The following FAM186A variants were observed in gnomAD, a reference collection of about 807,000 sequenced individuals.
FAM186A encodes protein FAM186A.
Under a neutral mutation model 216.8 loss-of-function variants are expected in FAM186A, and 163 were observed. That is an observed-to-expected ratio of 0.75 (90% CI 0.66 to 0.86). The LOEUF (loss-of-function observed/expected upper bound fraction) is 0.86. FAM186A is among the 40% of genes least tolerant of loss of function. The pLI, the probability that FAM186A is intolerant of heterozygous loss-of-function variation, is 0.00. For synonymous variants in FAM186A, 805 were observed against 1,025.3 expected, an observed-to-expected ratio of 0.79 and a Z score of 4.10; for missense variants, 2,184 against 2,746.2, an observed-to-expected ratio of 0.80 and a Z score of 4.58.
chr12:50,339,741 T>TACACACACACACAC lies in FAM186A; in HGVS notation c.6504-5652_6504-5639dup, dbSNP rs10611207. Among the ~76,000 whole-genome samples the TACACACACACACAC allele has an allele frequency of 1.1e-3, 168 of 148,516 alleles. 1 individual carries two copies. The highest frequency in any genetic ancestry group is 3.7e-3 in the African/African-American group (147 of 40,124). On this transcript the variant is annotated intron_variant, in intron 4 of 7. Coordinates refer to ENST00000327337, the MANE Select transcript of FAM186A (RefSeq NM_001145475.3). ...TCTAAGTATTAGCCACAAAGTACTT[T>TACACACACACACAC]ACACACACACACACACACACACACA...
At chr12:50,328,363 G>A (rs550937949) in intron 7 of FAM186A, among the ~76,000 whole-genome samples, 8 of 152,110 alleles carry the variant, frequency 5.3e-5, no homozygotes, top group African/African-American at 1.9e-4. Flanking sequence ...GACAGAGCAC[G>A]ACCACGTCTC....
chr12:50,394,732 C>CTTTTTTT lies in FAM186A; in HGVS notation c.192+1554_192+1560dup, dbSNP rs71083561. 3.1e-4 allele frequency among the ~76,000 whole-genome samples: 9 copies of CTTTTTTT among 29,408 alleles called. 1 individual carries two copies. The highest frequency in any genetic ancestry group is 1.3e-3 in the East Asian group (1 of 766). 19.3% of individuals were successfully genotyped at this position (29,408 alleles called of 152,430 possible). On this transcript the variant is annotated intron_variant, in intron 1 of 7. Transcript: ENST00000327337. ...TGAGCCACTGTGCCTGGCTAACACT[C>CTTTTTTT]TTTTTTTTTTTTTTTTTTTTTTTTT... is the stretch of plus-strand genomic sequence containing the variant.
At chr12:50,334,465 T>A (rs752815626) in intron 4 of FAM186A, among the ~76,000 whole-genome samples, 3 of 151,654 alleles carry the variant, frequency 2.0e-5, no homozygotes, top group Non-Finnish European at 4.4e-5. Flanking sequence ...CCACTGAGCA[T>A]GGCCTCTTTT....
intron 1 of FAM186A, among the ~76,000 whole-genome samples, chr12:50,366,271 A>G (rs1443638516): frequency 2.0e-5 from 3 of 152,218 alleles, no homozygotes; most frequent in Admixed American, 1.3e-4. Context: ...TGCTAAACCA[A>G]ATGATGAAGA....
chr12:50,368,471 A>G (rs924372152), intron 1 of FAM186A, among the ~76,000 whole-genome samples: 8 of 152,002 alleles, frequency 5.3e-5, no homozygotes, highest in Admixed American at 4.6e-4. Context: ...GAGGTAAAAG[A>G]CTTGTTGTTT....
rs1379276605 is a variant in FAM186A at position 50,365,047 on chromosome 12, A to AAAAT, written c.193-1684_193-1683insATTT. 1.2e-4 allele frequency among the ~76,000 whole-genome samples: 18 copies of AAAAT among 151,696 alleles called. No individual in the cohort carries two copies. In the East Asian group the frequency reaches 1.5e-3, roughly 13 times the overall value. On this transcript the variant is annotated intron_variant, in intron 1 of 7. Coordinates refer to ENST00000327337, the MANE Select transcript of FAM186A (RefSeq NM_001145475.3). ...GAGTGAAACTCCGTCTCAAAAAAAA[A>AAAAT]AAAAAAAAAATTAACACCATGTGTT...
At chr12:50,342,439 TCC>T (rs1270807933) in intron 4 of FAM186A, among the ~76,000 whole-genome samples, 1 of 151,590 alleles carries the variant, frequency 6.6e-6, no homozygotes. Flanking sequence ...GGGAAAAATC[TCC>T]TTTTTTATTT....
Position 50,356,163 on chromosome 12 carries a change from C to G in FAM186A, c.669G>C (p.Met223Ile), listed in dbSNP as rs947729681. ...TATTTGTTGCAAGTTGATCACTAATCATCTGATCTGGTCTTAAAGCACGGG... is the reference window on the plus strand; with the variant it reads ...TATTTGTTGCAAGTTGATCACTAATGATCTGATCTGGTCTTAAAGCACGGG... ...STARALRPDQ[M>I]ISDQLATNTK... The change falls in exon 4 of 8, where the codon ATG (methionine) becomes ATC (isoleucine). Residue 223 changes from methionine (M) to isoleucine (I), a missense_variant. Transcript: ENST00000327337. 3 of 1,551,466 alleles carry G rather than the reference C, an allele frequency of 1.9e-6. No homozygotes were observed. The African/African-American group carries it at 4.1e-5, about 21-fold the overall frequency.
chr12:50,327,541 T>A (rs1176005880), intron 7 of FAM186A, 137 bp from the exon 8 acceptor site: 1 of 128,490 alleles, frequency 7.8e-6, no homozygotes, highest in Non-Finnish European at 1.6e-5. Flanking sequence ...TATGTAATCC[T>A]TTTTTTTTTT....
intron 1 of FAM186A, among the ~76,000 whole-genome samples, chr12:50,395,434 T>G (rs1240842712): frequency 1.3e-5 from 2 of 152,110 alleles, no homozygotes; most frequent in South Asian, 2.1e-4. Flanking sequence ...ATAACCTTAA[T>G]TGTTTGGGGG....
rs754459272 is a variant in FAM186A, at chr12:50,360,938, T to TA, written c.413-13dup. 1,781 of 1,422,100 alleles carry TA rather than the reference T, an allele frequency of 1.3e-3. No individual in the cohort carries two copies. The highest frequency in any genetic ancestry group is 2.0e-3 in the South Asian group (141 of 71,324). The allele number at this position is 1,422,100 out of a possible 1,614,324, so 88.1% of individuals were successfully genotyped here. On this transcript the variant is annotated splice_polypyrimidine_tract_variant and intron_variant, in intron 2 of 7. Transcript: ENST00000327337. ...AGACAAAACATCATCTTGAAGAGAG[T>TA]AAAAAAAAAATCATTTTTGTGCAGA...
intron 1 of FAM186A, among the ~76,000 whole-genome samples, chr12:50,384,015 G>T (rs1017953718): frequency 3.9e-5 from 6 of 152,080 alleles, no homozygotes; most frequent in Non-Finnish European, 7.4e-5. Context: ...CTACTCACGA[G>T]GCTGAGGCAG....
At chr12:50,345,140 A>G (rs1441502163) in intron 4 of FAM186A, among the ~76,000 whole-genome samples, 2 of 152,090 alleles carry the variant, frequency 1.3e-5, no homozygotes, top group Non-Finnish European at 2.9e-5. Context: ...AACTTCGTCT[A>G]AAAAACAAAA....
chr12:50,342,645 T>C (rs1280537712), intron 4 of FAM186A, among the ~76,000 whole-genome samples: 1 of 151,740 alleles, frequency 6.6e-6, no homozygotes, highest in Non-Finnish European at 1.5e-5. Flanking sequence ...TGTCTAGTTT[T>C]GTTTGTATTT....
intron 1 of FAM186A, among the ~76,000 whole-genome samples, chr12:50,393,909 A>G (rs1489009733): frequency 2.6e-5 from 4 of 152,120 alleles, no homozygotes; most frequent in Admixed American, 2.0e-4. Context: ...GTGGGAATTT[A>G]TCGATATTTA....
At chr12:50,396,014 C>T (rs1161252503) in intron 1 of FAM186A, among the ~76,000 whole-genome samples, 1 of 152,064 alleles carries the variant, frequency 6.6e-6, no homozygotes, top group Non-Finnish European at 1.5e-5. Context: ...CCGCCCGCCT[C>T]GGCCTCCCAA....
intron 5 of FAM186A, among the ~76,000 whole-genome samples, chr12:50,333,184 G>A (rs1206613896): frequency 1.3e-5 from 2 of 152,138 alleles, no homozygotes; most frequent in Non-Finnish European, 2.9e-5. Context: ...TTTAAGGAAA[G>A]ACAAGGATAT....
At chr12:50,341,882 A>G (rs938530943) in intron 4 of FAM186A, among the ~76,000 whole-genome samples, 3 of 152,062 alleles carry the variant, frequency 2.0e-5, no homozygotes, top group Non-Finnish European at 4.4e-5. Context: ...ACTCCCTTCA[A>G]AAAGTACTAA....
At chr12:50,343,140 G>A (rs1175815137) in intron 4 of FAM186A, among the ~76,000 whole-genome samples, 3 of 151,832 alleles carry the variant, frequency 2.0e-5, no homozygotes, top group African/African-American at 4.8e-5. Context: ...TTTTAAACCC[G>A]GGAAGTTGAG....
Sources: gnomAD v4.1 joint callset for allele counts (sites outside exome capture counted in the v4.1 genomes callset) on GRCh38, gnomAD v4.1.1 for gene constraint, MANE v1.5 for transcripts, NCBI Gene and HGNC (gene_info 2026-07-23, HGNC 2026-07-21) for gene names.